MRS2: variants seen among roughly 807,000 people sequenced by gnomAD.
MRS2 encodes magnesium transporter MRS2, also known as magnesium transporter MRS2 homolog, mitochondrial.
Under a neutral mutation model 52.6 loss-of-function variants are expected in MRS2, and 40 were observed. The observed-to-expected ratio is 0.76, with a 90% CI of 0.59 to 0.99. The LOEUF is 0.99. Among genes scored for constraint, MRS2 ranks in the 50% least tolerant of loss-of-function variants. The probability of loss-of-function intolerance (pLI) is 0.00; values close to 1 mark genes in which losing one functional copy is unlikely to be tolerated. For missense variants in MRS2, 472 were observed against 532.7 expected (o/e 0.89, Z 1.12); for synonymous variants, 193 against 195.9 (o/e 0.98, Z 0.13).
At chr6:24,418,321 G>C in intron 8 of MRS2, 85 bp downstream of exon 8, 1 of 1,482,294 alleles carries the variant, frequency 6.7e-7, no homozygotes, top group Non-Finnish European at 9.0e-7. Flanking sequence ...GAGGAATTAC[G>C]CCATCATTAT....
chr6:24,405,083 C>A, intron 1 of MRS2, 85 bp from the exon 2 acceptor site: 1 of 846,220 alleles, frequency 1.2e-6, no homozygotes, highest in Non-Finnish European at 2.0e-6. Context: ...AGTCTGAAGG[C>A]CTCCACATAC....
intron 10 of MRS2, 165 bp downstream of exon 10, chr6:24,423,215 C>CT: frequency 1.7e-6 from 1 of 588,188 alleles, no homozygotes; most frequent in South Asian, 2.2e-5. Context: ...GTATTACCTG[C>CT]TTCATAGGGT....
intron 10 of MRS2, 51 bp from the exon 11 acceptor site, chr6:24,423,533 T>G: frequency 9.9e-7 from 1 of 1,012,072 alleles, no homozygotes; most frequent in Non-Finnish European, 1.5e-6. Flanking sequence ...ATTTTACTAG[T>G]GGCTTTTCTT....
chr6:24,423,728 G>A lies in MRS2; in HGVS notation c.*34G>A. ...CCGTGGATACTGAAGTTTTTTTTATGGTAGTTACAGGAAACTTCTGATACT... is the reference window on the plus strand; with the variant it reads ...CCGTGGATACTGAAGTTTTTTTTATAGTAGTTACAGGAAACTTCTGATACT... On this transcript the variant is annotated 3_prime_UTR_variant, in exon 11 of 11. Coordinates refer to ENST00000378386, the MANE Select transcript of MRS2 (RefSeq NM_020662.4). 1 of 1,027,370 alleles carries A rather than the reference G, an allele frequency of 9.7e-7. No individual in the cohort carries two copies. The highest frequency in any genetic ancestry group is 1.6e-5 in the South Asian group (1 of 63,428). 63.6% of individuals were successfully genotyped at this position (1,027,370 alleles called of 1,614,324 possible). A position where few individuals can be genotyped will look rare whatever the true frequency, so the allele number is the denominator to read the frequency against.
intron 5 of MRS2, among the ~76,000 whole-genome samples, chr6:24,414,311 T>C (rs1761765155): frequency 6.6e-6 from 1 of 152,106 alleles, no homozygotes; most frequent in African/African-American, 2.4e-5. Context: ...TCCGCAGTGT[T>C]TGTGTCCCTG....
chr6:24,415,178 T>G lies in MRS2; in HGVS notation c.719+15T>G. 1 of 1,540,916 alleles carries G rather than the reference T, an allele frequency of 6.5e-7. No individual in the cohort carries two copies. The highest frequency in any genetic ancestry group is 8.8e-7 in the Non-Finnish European group (1 of 1,132,442). ...AATGGCAAAAGGTAAATATGGATGA[T>G]GTATCACATTGGGAGTTGGAGACAA... On this transcript the variant is annotated intron_variant, in intron 6 of 10. Transcript: ENST00000378386.
At chr6:24,416,287 A>G (rs1441637350) in intron 6 of MRS2, 110 bp from the exon 7 acceptor site, 2 of 494,578 alleles carry the variant, frequency 4.0e-6, no homozygotes, top group Non-Finnish European at 7.2e-6. Flanking sequence ...GTCATTGTTT[A>G]GCATGAATGT....
chr6:24,418,387 C>A, intron 8 of MRS2, 74 bp from the exon 9 acceptor site: 1 of 1,577,184 alleles, frequency 6.3e-7, no homozygotes, highest in South Asian at 1.2e-5. Flanking sequence ...TCCATGTGGT[C>A]TGTATAGATT....
At position 24,408,547 on chromosome 6, in the gene MRS2, C is replaced by T; in HGVS notation, c.301+103C>T. ...TTGAGTAAAATATTCTTTGCATATACAGGTGTGTTGAAAGAGATCTTTCTT... is the reference window on the plus strand; with the variant it reads ...TTGAGTAAAATATTCTTTGCATATATAGGTGTGTTGAAAGAGATCTTTCTT... On this transcript the variant is annotated intron_variant, in intron 3 of 10. Coordinates refer to ENST00000378386, the MANE Select transcript of MRS2 (RefSeq NM_020662.4). The T allele has an allele frequency of 7.3e-6, 6 of 821,794 alleles. No homozygotes were observed. In the South Asian group the frequency reaches 9.3e-5, roughly 13 times the overall value. The allele number at this position is 821,794 out of a possible 1,614,324, so 50.9% of individuals were successfully genotyped here.
chr6:24,412,280 A>T lies in MRS2; in HGVS notation c.473A>T (p.Asn158Ile). Residue 158 changes from asparagine to isoleucine, a missense_variant, in exon 5 of 11, where the codon AAC becomes ATC. By Grantham distance (149) the Asn-to-Ile change is moderately radical. Coordinates refer to ENST00000378386, the MANE Select transcript of MRS2 (RefSeq NM_020662.4). ...CTGATATTAGATTATCGTAATTTAA[A>T]CTTAGAGCAATGGCTGTTCCGGGAA... ...CLLILDYRNL[N>I]LEQWLFRELP... 1 of 1,607,564 alleles carries T rather than the reference A, an allele frequency of 6.2e-7. No individual in the cohort carries two copies. The highest frequency in any genetic ancestry group is 8.5e-7 in the Non-Finnish European group (1 of 1,177,286).
chr6:24,420,038 G>A lies in MRS2; in HGVS notation c.1107+1460G>A, dbSNP rs565816504. ...TTTTAAAAAGTGGTCTTTATAAGAT[G>A]TAAGTATTATGACACCCTTCTGCAT... On this transcript the variant is annotated intron_variant, in intron 9 of 10. Coordinates refer to ENST00000378386, the MANE Select transcript of MRS2 (RefSeq NM_020662.4). Among the ~76,000 whole-genome samples the A allele has an allele frequency of 6.4e-4, 97 of 152,288 alleles. 1 individual carries two copies. Among genetic ancestry groups the A allele is most frequent in the Non-Finnish European group, 9.3e-4 (63 of 68,040 alleles).
At chr6:24,414,309 G>A (rs974953545) in intron 5 of MRS2, among the ~76,000 whole-genome samples, 7 of 152,026 alleles carry the variant, frequency 4.6e-5, no homozygotes, top group African/African-American at 1.7e-4. Context: ...CTTCCGCAGT[G>A]TTTGTGTCCC....
intron 7 of MRS2, 145 bp from the exon 8 acceptor site, chr6:24,417,939 T>G: frequency 1.8e-6 from 1 of 567,414 alleles, no homozygotes; most frequent in Non-Finnish European, 2.8e-6. Context: ...AAACTCCATC[T>G]CAAAAAAAAA....
rs759496727 is a variant in MRS2, at chr6:24,418,179, G to C, written c.932G>C (p.Arg311Pro). 1 of 1,613,640 alleles carries C rather than the reference G, an allele frequency of 6.2e-7. No homozygotes were observed. The highest frequency in any genetic ancestry group is 8.5e-7 in the Non-Finnish European group (1 of 1,179,708). The change falls in exon 8 of 11, where the codon CGT becomes CCT. Residue 311 changes from arginine (R) to proline (P), a missense_variant. Physicochemically the swap from Arg to Pro is moderately radical, Grantham distance 103. Coordinates refer to ENST00000378386, the MANE Select transcript of MRS2 (RefSeq NM_020662.4). The part of the protein sequence containing the change: ...RLADDLSNAA[R>P]ELRVLIDDSQ... The stretch of plus-strand genomic sequence containing the variant: ...GCTGACGATCTCTCCAATGCAGCTC[G>C]TGAGCTTAGGGTGCTGATTGATGAT...
chr6:24,423,610 T>G lies in MRS2; in HGVS notation c.1248T>G (p.Leu416=). The G allele has an allele frequency of 6.2e-7, 1 of 1,609,944 alleles. No individual in the cohort carries two copies. Among genetic ancestry groups the G allele is most frequent in the Non-Finnish European group, 8.5e-7 (1 of 1,176,546 alleles). ...PMMASLPKKT[L]LADRSMELKN... is the part of the protein sequence containing the mutation. ...TGGCTTCTTTACCTAAAAAGACTCT[T>G]CTGGCAGATAGAAGCATGGAATTGA... Residue 416 remains leucine (L), a synonymous_variant, in exon 11 of 11, where the codon CTT becomes CTG. Transcript: ENST00000378386.
chr6:24,405,787 T>TC (rs1554125131), intron 2 of MRS2, among the ~76,000 whole-genome samples: 1 of 102,924 alleles, frequency 9.7e-6, no homozygotes, highest in Middle Eastern at 5.0e-3. Context: ...TTTTTTTTTT[T>TC]CCAAAAAAAA....
chr6:24,421,430 T>A (rs1581711594), intron 9 of MRS2, among the ~76,000 whole-genome samples: 1 of 119,748 alleles, frequency 8.4e-6, no homozygotes, highest in Non-Finnish European at 2.0e-5. Context: ...ATTAAATCCA[T>A]GGATGTCAAA....
intron 9 of MRS2, among the ~76,000 whole-genome samples, chr6:24,420,247 T>G (rs1300043779): frequency 6.6e-6 from 1 of 152,132 alleles, no homozygotes; most frequent in South Asian, 2.1e-4. Flanking sequence ...ATCTTTCAGG[T>G]CTCAAAGTAG....
At chr6:24,423,258 C>T (rs1038738264) in intron 10 of MRS2, 3 of 530,240 alleles carry the variant, frequency 5.7e-6, no homozygotes, top group Middle Eastern at 3.5e-4. Flanking sequence ...GTGTAAAGCA[C>T]TTACTAGCAC....
Sources: gnomAD v4.1 joint callset for allele counts (sites outside exome capture counted in the v4.1 genomes callset) on GRCh38, gnomAD v4.1.1 for gene constraint, MANE v1.5 for transcripts, NCBI Gene and HGNC (gene_info 2026-07-23, HGNC 2026-07-21) for gene names.